SCN2A: variants seen among roughly 807,000 people sequenced by gnomAD.
SCN2A encodes sodium voltage-gated channel alpha subunit 2.
Under a neutral mutation model 188.7 loss-of-function variants are expected in SCN2A, and 20 were observed. The ratio of observed to expected loss-of-function variants is 0.11; its 90% CI spans 0.07 to 0.15. The LOEUF (loss-of-function observed/expected upper bound fraction) is 0.15, where lower values mean the gene tolerates loss of function less well. Among genes scored for constraint, SCN2A ranks in the 10% least tolerant of loss-of-function variants. The pLI, the probability that SCN2A is intolerant of heterozygous loss-of-function variation, is 1.00. For synonymous variants in SCN2A, 804 were observed against 833.1 expected, an observed-to-expected ratio of 0.97 and a Z score of 0.60; for missense variants, 1,278 against 2,445.0, an observed-to-expected ratio of 0.52 and a Z score of 10.07.
At chr2:165,308,575 A>C (rs1697260631) in intron 4 of SCN2A, 91 bp from the exon 5 acceptor site, 1 of 1,417,328 alleles carries the variant, frequency 7.1e-7, no homozygotes, top group Non-Finnish European at 9.9e-7. Flanking sequence ...GGAAGTGTCT[A>C]ATTTTTGTTT....
chr2:165,295,133 G>T (rs528831952), intron 1 of SCN2A, among the ~76,000 whole-genome samples: 153 of 152,274 alleles, frequency 1.0e-3, no homozygotes, highest in African/African-American at 3.6e-3. Context: ...TTCCTGTGCA[G>T]CTTCCGAGCA....
chr2:165,307,162 T>C (rs933344748), intron 3 of SCN2A, among the ~76,000 whole-genome samples: 2 of 152,168 alleles, frequency 1.3e-5, no homozygotes, highest in African/African-American at 4.8e-5. Context: ...TATTACGCAC[T>C]AGGGCCATTA....
At chr2:165,261,964 T>G (rs1185316969) in intron 1 of SCN2A, among the ~76,000 whole-genome samples, 3 of 152,090 alleles carry the variant, frequency 2.0e-5, no homozygotes. Context: ...ATGTCACAAG[T>G]GGAAAAAAGG....
intron 14 of SCN2A, among the ~76,000 whole-genome samples, chr2:165,332,610 A>T (rs1276240711): frequency 1.3e-5 from 2 of 152,058 alleles, no homozygotes; most frequent in Non-Finnish European, 2.9e-5. Flanking sequence ...ATGGGCAAAG[A>T]TCACAGACGC....
chr2:165,347,289 G>T (rs1181008028), intron 16 of SCN2A, among the ~76,000 whole-genome samples: 1 of 152,138 alleles, frequency 6.6e-6, no homozygotes, highest in Admixed American at 6.5e-5. Context: ...CATGTCCTTT[G>T]CAGGGACATG....
intron 1 of SCN2A, chr2:165,268,027 A>C (rs1694948656): frequency 1.3e-5 from 2 of 152,028 alleles, no homozygotes; most frequent in Admixed American, 1.3e-4. Context: ...CATAGAAAAC[A>C]ATATGTAAAT....
intron 24 of SCN2A, 52 bp downstream of exon 24, chr2:165,380,781 A>G (rs1342831497): frequency 7.1e-7 from 1 of 1,404,086 alleles, no homozygotes; most frequent in Middle Eastern, 2.5e-4. Flanking sequence ...TAAATATTTC[A>G]TACTCTTTCC....
rs551452764 is a variant in SCN2A at position 165,258,727 on chromosome 2, T to C, written c.-52+19087T>C. Among the ~76,000 whole-genome samples the C allele has an allele frequency of 7.2e-4, 110 of 152,292 alleles. 2 individuals are homozygous for C. In the South Asian group the frequency reaches 1.0e-2, roughly 14 times the overall value. ...GACTGGATAAAGAAGATGTGATACATATATACCATGGAATACTATGCAGCC... is the reference window on the plus strand; with the variant it reads ...GACTGGATAAAGAAGATGTGATACACATATACCATGGAATACTATGCAGCC... On this transcript the variant is annotated intron_variant, in intron 1 of 26. Transcript: ENST00000375437.
At position 165,375,055 on chromosome 2, in the gene SCN2A, A is replaced by T; in HGVS notation, c.4254+89A>T. 4 of 1,112,862 alleles carry T rather than the reference A, an allele frequency of 3.6e-6. No individual in the cohort carries two copies. In the South Asian group the frequency reaches 5.3e-5, roughly 15 times the overall value. The allele number at this position is 1,112,862 out of a possible 1,614,324, so 68.9% of individuals were successfully genotyped here. On this transcript the variant is annotated intron_variant, in intron 22 of 26. Transcript: ENST00000375437. ...TCATAATGAGATATCCACCTGTTAG[A>T]ATGGCTATTATCAAACAGATAAATG...
intron 17 of SCN2A, among the ~76,000 whole-genome samples, chr2:165,361,756 A>G (rs1700469316): frequency 6.6e-6 from 1 of 152,044 alleles, no homozygotes; most frequent in African/African-American, 2.4e-5. Context: ...AGATCCTTGT[A>G]TACAGAGTGA....
Position 165,367,247 on chromosome 2 carries a change from T to G in SCN2A, c.3551T>G (p.Ile1184Arg). 2 of 1,614,182 alleles carry G rather than the reference T, an allele frequency of 1.2e-6. No homozygotes were observed. The highest frequency in any genetic ancestry group is 1.7e-6 in the Non-Finnish European group (2 of 1,180,020). ...GTACGGAAGTTCAAGTGTTGTCAGA[T>G]AAGCATAGAAGAAGGCAAAGGGAAA... Reference protein sequence around the residue: ...DCVRKFKCCQISIEEGKGKLW... With the variant: ...DCVRKFKCCQRSIEEGKGKLW... Residue 1184 changes from isoleucine to arginine, a missense_variant, in exon 19 of 27, where the codon ATA becomes AGA. By Grantham distance (97) the Ile-to-Arg change is moderately conservative. Around this residue, in one of 17 missense-constraint regions of SCN2A, gnomAD observed 228 missense variants for 297.3 expected, o/e 0.77. Coordinates refer to ENST00000375437, the MANE Select transcript of SCN2A (RefSeq NM_001040142.2).
At chr2:165,361,320 GT>G (rs1215774706) in intron 17 of SCN2A, among the ~76,000 whole-genome samples, 3 of 151,844 alleles carry the variant, frequency 2.0e-5, no homozygotes, top group African/African-American at 7.3e-5. Context: ...AAAGTTCATG[GT>G]TTTGAAACAT....
At chr2:165,291,049 T>C (rs894782542) in intron 1 of SCN2A, among the ~76,000 whole-genome samples, 5 of 139,084 alleles carry the variant, frequency 3.6e-5, no homozygotes, top group East Asian at 4.1e-4. Flanking sequence ...TTTTTTTTTT[T>C]TTTTTTTTTT....
At chr2:165,261,666 T>C (rs955822758) in intron 1 of SCN2A, among the ~76,000 whole-genome samples, 1 of 152,238 alleles carries the variant, frequency 6.6e-6, no homozygotes, top group African/African-American at 2.4e-5. Flanking sequence ...ATACAAATTA[T>C]CTTTGTCACA....
intron 1 of SCN2A, among the ~76,000 whole-genome samples, chr2:165,280,087 C>T (rs996183697): frequency 6.6e-6 from 1 of 152,102 alleles, no homozygotes; most frequent in Non-Finnish European, 1.5e-5. Flanking sequence ...TTTTAAATTG[C>T]CCAGTCTCAG....
Position 165,296,064 on chromosome 2 carries a change from C to T in SCN2A, c.241C>T (p.Leu81=). Residue 81 remains leucine (L), a synonymous_variant, in exon 2 of 27, where the codon CTG becomes TTG. Transcript: ENST00000375437. ...PEMVSVPLED[L]DPYYINKKTF... is the part of the protein sequence containing the mutation. ...GATGGTGTCAGTGCCCCTGGAGGATCTGGACCCCTACTATATCAATAAGAA... is the reference window on the plus strand; with the variant it reads ...GATGGTGTCAGTGCCCCTGGAGGATTTGGACCCCTACTATATCAATAAGAA... 1 of 1,613,752 alleles carries T rather than the reference C, an allele frequency of 6.2e-7. No homozygotes were observed. Among genetic ancestry groups the T allele is most frequent in the Non-Finnish European group, 8.5e-7 (1 of 1,179,996 alleles).
chr2:165,337,971 A>G (rs563247807), intron 14 of SCN2A, among the ~76,000 whole-genome samples: 1 of 152,216 alleles, frequency 6.6e-6, no homozygotes, highest in South Asian at 2.1e-4. Context: ...TGCATAAATA[A>G]ATTGTAAATC....
In SCN2A at chr2:165,315,619, A is replaced by G. The variant is rs1467001931; in HGVS notation, c.1532A>G (p.Lys511Arg). ...LKNRRKKKKQ[K>R]EQSGEEEKND... is the part of the protein sequence containing the mutation. ...AACAGAAGAAAGAAAAAGAAACAGA[A>G]AGAACAGTCTGGAGAAGAAGAGAAA... The change falls in exon 11 of 27, where the codon AAA becomes AGA. Residue 511 changes from lysine to arginine, a missense_variant. This residue lies in a region of SCN2A where 315 missense variants were observed against 386.6 expected (regional missense o/e 0.81). Coordinates refer to ENST00000375437, the MANE Select transcript of SCN2A (RefSeq NM_001040142.2). 1 of 1,614,048 alleles carries G rather than the reference A, an allele frequency of 6.2e-7. No homozygotes were observed. Among genetic ancestry groups the G allele is most frequent in the South Asian group, 1.1e-5 (1 of 91,082 alleles).
chr2:165,298,091 A>G (rs1373001718), intron 3 of SCN2A, among the ~76,000 whole-genome samples: 1 of 152,208 alleles, frequency 6.6e-6, no homozygotes, highest in East Asian at 1.9e-4. Context: ...GAGGAGTGAT[A>G]TGCTTCAGGA....
Sources: gnomAD v4.1 joint callset for allele counts (sites outside exome capture counted in the v4.1 genomes callset) on GRCh38, gnomAD v4.1.1 for gene constraint, gnomAD v4.1.1 regional missense constraint, MANE v1.5 for transcripts, NCBI Gene and HGNC (gene_info 2026-07-23, HGNC 2026-07-21) for gene names.